Variants in EPHA7 observed in about 807,000 individuals in gnomAD.
EPHA7 encodes the protein ephrin type-A receptor 7.
EPHA7 carries 25 observed loss-of-function variants against 112.6 expected under a neutral mutation model. The ratio of observed to expected loss-of-function variants is 0.22; its 90% CI spans 0.16 to 0.31. The LOEUF (loss-of-function observed/expected upper bound fraction) is 0.31. Ranked by LOEUF, EPHA7 falls within the 10% of genes least tolerant of loss-of-function variation. The pLI is 1.00. For missense variants in EPHA7, 962 were observed against 1,212.6 expected (o/e 0.79, Z 3.07); for synonymous variants, 437 against 406.5 (o/e 1.07, Z -0.90).
chr6:93,260,555 ATTTC>A, intron 9 of EPHA7: 1 of 956,804 alleles, frequency 1.0e-6, no homozygotes, highest in Non-Finnish European at 1.2e-6. Flanking sequence ...AGAACAATAT[ATTTC>A]TTTATATATT....
chr6:93,302,711 GAGA>G (rs1019280512), intron 5 of EPHA7, among the ~76,000 whole-genome samples: 100 of 152,266 alleles, frequency 6.6e-4, no homozygotes, highest in African/African-American at 2.4e-3. Flanking sequence ...CCTCAGGCAA[GAGA>G]AGATGTTTTT....
intron 5 of EPHA7, among the ~76,000 whole-genome samples, chr6:93,348,464 A>G (rs2127933192): frequency 6.6e-6 from 1 of 152,016 alleles, no homozygotes; most frequent in Admixed American, 6.6e-5. Context: ...GATATAAATT[A>G]ATTATATTTT....
At chr6:93,297,490 G>A (rs1458378430) in intron 5 of EPHA7, among the ~76,000 whole-genome samples, 1 of 152,080 alleles carries the variant, frequency 6.6e-6, no homozygotes, top group Non-Finnish European at 1.5e-5. Flanking sequence ...TTGGTGTTCT[G>A]TCTCTACTTA....
At chr6:93,258,056 C>T in intron 11 of EPHA7, 43 bp downstream of exon 11, 1 of 1,534,158 alleles carries the variant, frequency 6.5e-7, no homozygotes, top group Middle Eastern at 1.7e-4. Context: ...TAATTTCTGA[C>T]ACTCAGTCTT....
chr6:93,305,628 T>A (rs1582486123), intron 5 of EPHA7, among the ~76,000 whole-genome samples: 1 of 151,962 alleles, frequency 6.6e-6, no homozygotes, highest in Non-Finnish European at 1.5e-5. Context: ...TAAAATTTAA[T>A]GTTTATTTAG....
intron 5 of EPHA7, among the ~76,000 whole-genome samples, chr6:93,277,855 A>C (rs1771542596): frequency 6.6e-6 from 1 of 151,926 alleles, no homozygotes; most frequent in African/African-American, 2.4e-5. Context: ...AAGTTCTGGA[A>C]AAAAATATGA....
At chr6:93,289,658 G>T (rs1352163335) in intron 5 of EPHA7, among the ~76,000 whole-genome samples, 1 of 152,038 alleles carries the variant, frequency 6.6e-6, no homozygotes, top group African/African-American at 2.4e-5. Context: ...AAGAAAGTAT[G>T]TAGAATAATT....
At chr6:93,312,258 A>G (rs1773579157) in intron 5 of EPHA7, among the ~76,000 whole-genome samples, 1 of 152,140 alleles carries the variant, frequency 6.6e-6, no homozygotes, top group African/African-American at 2.4e-5. Flanking sequence ...TCATTTTCCA[A>G]TATAAGGCTG....
At chr6:93,263,753 G>A in intron 9 of EPHA7, 107 bp downstream of exon 9, 1 of 728,152 alleles carries the variant, frequency 1.4e-6, no homozygotes, top group East Asian at 2.7e-5. Context: ...TGAGCTCATG[G>A]TATAATTTCA....
At chr6:93,311,935 AT>A (rs1773563482) in intron 5 of EPHA7, among the ~76,000 whole-genome samples, 1 of 152,126 alleles carries the variant, frequency 6.6e-6, no homozygotes, top group Admixed American at 6.5e-5. Flanking sequence ...TGCATTGCCA[AT>A]CAGCAGTAAT....
chr6:93,337,831 C>A (rs1774949658), intron 5 of EPHA7, among the ~76,000 whole-genome samples: 1 of 152,040 alleles, frequency 6.6e-6, no homozygotes, highest in Non-Finnish European at 1.5e-5. Flanking sequence ...GCTCTTTGTT[C>A]ACCGTTTATA....
At chr6:93,394,851 C>T (rs534473898) in intron 3 of EPHA7, among the ~76,000 whole-genome samples, 1 of 151,916 alleles carries the variant, frequency 6.6e-6, no homozygotes, top group Admixed American at 6.6e-5. Flanking sequence ...ATGCTTTAAC[C>T]TATCTTTTCC....
At position 93,334,505 on chromosome 6, in the gene EPHA7, A is replaced by T. The variant is rs186108427; in HGVS notation, c.1324+22212T>A. Among the ~76,000 whole-genome samples, 454 of 152,244 alleles carry T rather than the reference A, an allele frequency of 3.0e-3. 4 individuals carry two copies. The highest frequency in any genetic ancestry group is 0.011 in the African/African-American group (438 of 41,572). On this transcript the variant is annotated intron_variant, in intron 5 of 16. Coordinates refer to ENST00000369303, the MANE Select transcript of EPHA7 (RefSeq NM_004440.4). The stretch of plus-strand genomic sequence containing the variant: ...CAAATTTGGCATCCAACAAAAATCT[A>T]ATAGCCAGAATCTATTAGGAACTTA...
intron 5 of EPHA7, among the ~76,000 whole-genome samples, chr6:93,306,868 T>A (rs1359141972): frequency 1.3e-5 from 2 of 151,902 alleles, no homozygotes; most frequent in African/African-American, 4.8e-5. Context: ...ATAAATCAAT[T>A]CCCTCTAGAA....
intron 5 of EPHA7, among the ~76,000 whole-genome samples, chr6:93,342,078 T>C (rs1451994092): frequency 2.0e-5 from 3 of 151,778 alleles, no homozygotes; most frequent in Non-Finnish European, 4.4e-5. Flanking sequence ...ATTAATTACC[T>C]AGATAGGGCT....
intron 5 of EPHA7, among the ~76,000 whole-genome samples, chr6:93,275,491 G>A (rs900107903): frequency 2.5e-4 from 38 of 151,798 alleles, no homozygotes; most frequent in African/African-American, 8.2e-4. Context: ...TGCCCTTAAA[G>A]ATCTTCAAGT....
intron 1 of EPHA7, among the ~76,000 whole-genome samples, chr6:93,415,077 T>G (rs2127997629): frequency 6.6e-6 from 1 of 152,140 alleles, no homozygotes; most frequent in South Asian, 2.1e-4. Context: ...TAATTATATA[T>G]TACGGTTTTG....
intron 5 of EPHA7, among the ~76,000 whole-genome samples, chr6:93,300,386 T>C (rs756655897): frequency 1.4e-4 from 22 of 152,232 alleles, no homozygotes; most frequent in Admixed American, 2.0e-4. Flanking sequence ...TAACTACATA[T>C]GTAAAAATAC....
chr6:93,283,675 G>A (rs897211929), intron 5 of EPHA7, among the ~76,000 whole-genome samples: 1 of 152,064 alleles, frequency 6.6e-6, no homozygotes, highest in Non-Finnish European at 1.5e-5. Context: ...CCAGAAGGAA[G>A]AAACTCCAAA....
Sources: allele counts gnomAD v4.1 joint callset (sites outside exome capture counted in the v4.1 genomes callset), GRCh38; gene constraint gnomAD v4.1.1; transcripts MANE v1.5; gene names NCBI Gene and HGNC (gene_info 2026-07-23, HGNC 2026-07-21).